Variants in MYCL observed in about 807,000 individuals in gnomAD.
MYCL encodes the protein MYCL proto-oncogene, bHLH transcription factor, also known as protein L-Myc.
A neutral mutation model predicts 31.0 loss-of-function variants in MYCL; 11 were observed. The observed-to-expected ratio is 0.35, with a 90% CI of 0.22 to 0.59. MYCL has a LOEUF of 0.59. Among genes scored for constraint, MYCL ranks in the 20% least tolerant of loss-of-function variants. The pLI is 0.79. For synonymous variants in MYCL, 208 were observed against 202.4 expected, an observed-to-expected ratio of 1.03 and a Z score of -0.23; for missense variants, 427 against 486.1, an observed-to-expected ratio of 0.88 and a Z score of 1.14.
At chr1:39,898,873 G>A (rs1343676366) in intron 1 of MYCL, 23 of 985,364 alleles carry the variant, frequency 2.3e-5, no homozygotes, top group Non-Finnish European at 2.7e-5. Flanking sequence ...ACCTAACCAG[G>A]AGAGGGGCAA....
rs2124715944 is a variant in MYCL at position 39,897,776 on chromosome 1, T to A, written c.691A>T (p.Arg231Trp). 1 of 1,614,138 alleles carries A rather than the reference T, an allele frequency of 6.2e-7. No individual in the cohort carries two copies. The highest frequency in any genetic ancestry group is 2.2e-5 in the East Asian group (1 of 44,882). Residue 231 changes from arginine (R) to tryptophan (W), a missense_variant, in exon 2 of 2, where the codon AGG becomes TGG. Physicochemically the swap from Arg to Trp is moderately radical, Grantham distance 101 (BLOSUM62 -3). Transcript: ENST00000372816. This position sits in a 1 kb window ranked among gnomAD's most constrained non-coding sequence, Gnocchi z 4.3. ...TCCAGAACCTCTTCTTGGGGACCCC[T>A]CTCTGAAGCCTCTTCTTGGGAGCAG... ...ESCSQEEASE[R>W]GPQEEVLERD...
At position 39,901,877 on chromosome 1, in the gene MYCL, A is replaced by T; in HGVS notation, c.-443T>A. ...GGCTCGGGGCAGCCCGGCAGCCAGC[A>T]CACACGCACATGCGCGCCGCCGAGA... is the stretch of plus-strand genomic sequence containing the variant. On this transcript the variant is annotated 5_prime_UTR_variant, in exon 1 of 2. It introduces an in-frame stop codon into an upstream open reading frame of the 5' UTR. Coordinates refer to ENST00000372816, the MANE Select transcript of MYCL (RefSeq NM_001033081.3). The surrounding 1 kb of genome is among the most constrained non-coding windows in gnomAD (Gnocchi z 6.9). The T allele has an allele frequency of 8.4e-7, 1 of 1,186,616 alleles. No individual in the cohort carries two copies. The highest frequency in any genetic ancestry group is 1.0e-6 in the Non-Finnish European group (1 of 956,948). 73.5% of individuals were successfully genotyped at this position (1,186,616 alleles called of 1,614,324 possible). A position where few individuals can be genotyped will look rare whatever the true frequency, so the allele number is the denominator to read the frequency against.
chr1:39,901,776 C>T lies in MYCL; in HGVS notation c.-342G>A. 2 of 1,242,458 alleles carry T rather than the reference C, an allele frequency of 1.6e-6. No individual in the cohort carries two copies. Among genetic ancestry groups the T allele is most frequent in the Non-Finnish European group, 2.0e-6 (2 of 986,434 alleles). The allele number at this position is 1,242,458 out of a possible 1,614,324, so 77.0% of individuals were successfully genotyped here. Reference sequence around the variant, plus strand: ...TGCAGCCAGCCCGCACCGCGGGACCCGCGCCCGTGCCCTGGCCACCCGCAG... The same window carrying T: ...TGCAGCCAGCCCGCACCGCGGGACCTGCGCCCGTGCCCTGGCCACCCGCAG... On this transcript the variant is annotated 5_prime_UTR_variant, in exon 1 of 2. Transcript: ENST00000372816. The surrounding 1 kb of genome is among the most constrained non-coding windows in gnomAD (Gnocchi z 6.9).
At position 39,896,324 on chromosome 1, in the gene MYCL, T is replaced by C; in HGVS notation, c.*1048A>G. ...GCAGAGCCAGCAAGCTCCTTGGAAT[T>C]GCATGAGGAGGACAGATTTGCATGG... On this transcript the variant is annotated 3_prime_UTR_variant, in exon 2 of 2. Transcript: ENST00000372816. 5.1e-6 allele frequency: 1 copy of C among 196,886 alleles called. No homozygotes were observed. Among genetic ancestry groups the C allele is most frequent in the Non-Finnish European group, 1.1e-5 (1 of 94,838 alleles). The allele number at this position is 196,886 out of a possible 1,614,324, so 12.2% of individuals were successfully genotyped here.
Position 39,897,289 on chromosome 1 carries a change from T to C in MYCL, c.*83A>G. 7.8e-7 allele frequency: 1 copy of C among 1,286,898 alleles called. No individual in the cohort carries two copies. Among genetic ancestry groups the C allele is most frequent in the Non-Finnish European group, 1.1e-6 (1 of 930,312 alleles). 79.7% of individuals were successfully genotyped at this position (1,286,898 alleles called of 1,614,324 possible). Reference sequence around the variant, plus strand: ...CCAGACTGTCCCACCATAACCAAAATGTGCAAATTACTAAAGGGGAGAGGG... The same window carrying C: ...CCAGACTGTCCCACCATAACCAAAACGTGCAAATTACTAAAGGGGAGAGGG... On this transcript the variant is annotated 3_prime_UTR_variant, in exon 2 of 2. Coordinates refer to ENST00000372816, the MANE Select transcript of MYCL (RefSeq NM_001033081.3). The surrounding 1 kb of genome is among the most constrained non-coding windows in gnomAD (Gnocchi z 4.3).
chr1:39,897,850 G>A lies in MYCL; in HGVS notation c.617C>T (p.Ser206Phe). 1 of 1,614,218 alleles carries A rather than the reference G, an allele frequency of 6.2e-7. No homozygotes were observed. Among genetic ancestry groups the A allele is most frequent in the Non-Finnish European group, 8.5e-7 (1 of 1,180,048 alleles). The change falls in exon 2 of 2, where the codon TCC (serine) becomes TTC (phenylalanine). Residue 206 changes from serine (S) to phenylalanine (F), a missense_variant. Coordinates refer to ENST00000372816, the MANE Select transcript of MYCL (RefSeq NM_001033081.3). The surrounding 1 kb of genome is among the most constrained non-coding windows in gnomAD (Gnocchi z 4.3). ...LDPCMKHFHI[S>F]IHQQQHNYAA... ...ATAGTTGTGCTGTTGCTGATGGATG[G>A]AGATGTGGAAATGCTTCATGCAGGG...
chr1:39,901,103 T>A lies in MYCL; in HGVS notation c.332A>T (p.Asp111Val), dbSNP rs1466615619. 1 of 1,590,054 alleles carries A rather than the reference T, an allele frequency of 6.3e-7. No homozygotes were observed. The highest frequency in any genetic ancestry group is 1.3e-5 in the African/African-American group (1 of 74,448). The change falls in exon 1 of 2, where the codon GAC becomes GTC. Residue 111 changes from aspartate to valine, a missense_variant. Asp to Val is a radical substitution (Grantham distance 152, BLOSUM62 -3). Transcript: ENST00000372816. The surrounding 1 kb of genome is among the most constrained non-coding windows in gnomAD (Gnocchi z 6.9). ...CCGGGGCGCGCCAGGAGCGAGCCGG[T>A]CGCTCACAGCTCTCTCCAGCCGTTC... ...ARERLERAVS[D>V]RLAPGAPRGN... is the part of the protein sequence containing the mutation.
intron 1 of MYCL, among the ~76,000 whole-genome samples, chr1:39,898,353 C>A (rs1259304432): frequency 6.6e-6 from 1 of 152,234 alleles, no homozygotes. Context: ...CCCAGTCGGG[C>A]TCTTTCATGC....
rs1053166703 is a variant in MYCL at position 39,901,614 on chromosome 1, G to A, written c.-180C>T. The A allele has an allele frequency of 6.4e-6, 9 of 1,404,550 alleles. No individual in the cohort carries two copies. Among genetic ancestry groups the A allele is most frequent in the Non-Finnish European group, 8.3e-6 (9 of 1,087,988 alleles). 87.0% of individuals were successfully genotyped at this position (1,404,550 alleles called of 1,614,324 possible). On this transcript the variant is annotated 5_prime_UTR_variant, in exon 1 of 2. Coordinates refer to ENST00000372816, the MANE Select transcript of MYCL (RefSeq NM_001033081.3). This position sits in a 1 kb window ranked among gnomAD's most constrained non-coding sequence, Gnocchi z 6.9. ...GGAAGCCGGGCCCCGGGTCAGAGTG[G>A]TAGGGGAAGCCAATCGCAGCGCGCG... is the stretch of plus-strand genomic sequence containing the variant.
In MYCL at chr1:39,901,070, G is replaced by T. The variant is rs781020318; in HGVS notation, c.365C>A (p.Pro122Gln). 6.4e-7 allele frequency: 1 copy of T among 1,562,214 alleles called. No homozygotes were observed. The highest frequency in any genetic ancestry group is 8.7e-7 in the Non-Finnish European group (1 of 1,153,884). The change falls in exon 1 of 2, where the codon CCG becomes CAG. Residue 122 changes from proline to glutamine, a missense_variant. Physicochemically the swap from Pro to Gln is moderately conservative, Grantham distance 76 (BLOSUM62 -1). Transcript: ENST00000372816. The surrounding 1 kb of genome is among the most constrained non-coding windows in gnomAD (Gnocchi z 6.9). ...GTCCGGGGCGGCGGACGCCTTGGGC[G>T]GGTTCCCCCGGGGCGCGCCAGGAGC... The part of the protein sequence containing the change: ...RLAPGAPRGN[P>Q]PKASAAPDCT...
rs1283719871 is a variant in MYCL at position 39,896,796 on chromosome 1, G to T, written c.*576C>A. On this transcript the variant is annotated 3_prime_UTR_variant, in exon 2 of 2. Coordinates refer to ENST00000372816, the MANE Select transcript of MYCL (RefSeq NM_001033081.3). Reference sequence around the variant, plus strand: ...TCAGCTAACATCATAATATATAAAGGTTTCCAACTCCTTGGCTACTGTAAA... The same window carrying T: ...TCAGCTAACATCATAATATATAAAGTTTTCCAACTCCTTGGCTACTGTAAA... 1 of 206,032 alleles carries T rather than the reference G, an allele frequency of 4.9e-6. No individual in the cohort carries two copies. Among genetic ancestry groups the T allele is most frequent in the Non-Finnish European group, 9.9e-6 (1 of 100,646 alleles). The allele number at this position is 206,032 out of a possible 1,614,324, so 12.8% of individuals were successfully genotyped here.
chr1:39,899,542 T>A (rs1037109420), intron 1 of MYCL: 11 of 877,378 alleles, frequency 1.3e-5, no homozygotes, highest in Non-Finnish European at 1.5e-5. Context: ...CTTTGTAACG[T>A]TCTGGATCTC....
Position 39,895,779 on chromosome 1 carries a change from G to A in MYCL, c.*1593C>T, listed in dbSNP as rs1238329216. 1 of 226,338 alleles carries A rather than the reference G, an allele frequency of 4.4e-6. No individual in the cohort carries two copies. The highest frequency in any genetic ancestry group is 2.2e-5 in the African/African-American group (1 of 44,918). 14.0% of individuals were successfully genotyped at this position (226,338 alleles called of 1,614,324 possible). On this transcript the variant is annotated 3_prime_UTR_variant, in exon 2 of 2. Transcript: ENST00000372816. Reference sequence around the variant, plus strand: ...GCTGGCTTTTGTAAACCATGCTCCAGAAGGGTAGAGAGGCTATTTCCAAAC... The same window carrying A: ...GCTGGCTTTTGTAAACCATGCTCCAAAAGGGTAGAGAGGCTATTTCCAAAC...
At chr1:39,898,557 G>C in intron 1 of MYCL, 1 of 695,568 alleles carries the variant, frequency 1.4e-6, no homozygotes, top group Non-Finnish European at 1.8e-6. Flanking sequence ...TTCACCCACA[G>C]AGGGGAGGGA....
chr1:39,895,716 AC>A lies in MYCL; in HGVS notation c.*1655del, dbSNP rs1458495683. 1 of 228,148 alleles carries A rather than the reference AC, an allele frequency of 4.4e-6. No homozygotes were observed. The highest frequency in any genetic ancestry group is 2.2e-5 in the African/African-American group (1 of 45,036). The allele number at this position is 228,148 out of a possible 1,614,324, so 14.1% of individuals were successfully genotyped here. On this transcript the variant is annotated 3_prime_UTR_variant, in exon 2 of 2. Coordinates refer to ENST00000372816, the MANE Select transcript of MYCL (RefSeq NM_001033081.3). Reference sequence around the variant, plus strand: ...TATTCAGTTGAGACATCAGTAACCTACACCCAAACTGTCCTCCATAGACAAT... The same window carrying A: ...TATTCAGTTGAGACATCAGTAACCTAACCCAAACTGTCCTCCATAGACAAT...
chr1:39,901,836 G>A lies in MYCL; in HGVS notation c.-402C>T, dbSNP rs764912747. On this transcript the variant is annotated 5_prime_UTR_variant, in exon 1 of 2. Transcript: ENST00000372816. This position sits in a 1 kb window ranked among gnomAD's most constrained non-coding sequence, Gnocchi z 6.9. ...GCTCCAGCCGCCCGCCACCTGGAGC[G>A]GACCGGCTCCCCGCCGGCTCGGGGC... The A allele has an allele frequency of 3.2e-6, 4 of 1,264,928 alleles. No homozygotes were observed. The highest frequency in any genetic ancestry group is 3.0e-6 in the Non-Finnish European group (3 of 994,592). The allele number at this position is 1,264,928 out of a possible 1,614,324, so 78.4% of individuals were successfully genotyped here. A position where few individuals can be genotyped will look rare whatever the true frequency, so the allele number is the denominator to read the frequency against.
chr1:39,901,637 G>T lies in MYCL; in HGVS notation c.-203C>A. On this transcript the variant is annotated 5_prime_UTR_variant, in exon 1 of 2. Transcript: ENST00000372816. This position sits in a 1 kb window ranked among gnomAD's most constrained non-coding sequence, Gnocchi z 6.9. The stretch of plus-strand genomic sequence containing the variant: ...TGGTAGGGGAAGCCAATCGCAGCGC[G>T]CGGACCCGACTGTGGGCAGCGAGTT... The T allele has an allele frequency of 7.2e-7, 1 of 1,383,336 alleles. No individual in the cohort carries two copies. Among genetic ancestry groups the T allele is most frequent in the Non-Finnish European group, 9.3e-7 (1 of 1,076,844 alleles). The allele number at this position is 1,383,336 out of a possible 1,614,324, so 85.7% of individuals were successfully genotyped here. A position where few individuals can be genotyped will look rare whatever the true frequency, so the allele number is the denominator to read the frequency against.
In MYCL at chr1:39,901,005, C is replaced by G. The variant is rs769835989; in HGVS notation, c.430G>C (p.Ala144Pro). The G allele has an allele frequency of 6.7e-7, 1 of 1,487,450 alleles. No homozygotes were observed. Among genetic ancestry groups the G allele is most frequent in the Non-Finnish European group, 8.9e-7 (1 of 1,120,010 alleles). The allele number at this position is 1,487,450 out of a possible 1,614,324, so 92.1% of individuals were successfully genotyped here. ...TTGGGTTCGCCCAGCGGACAGGGGG[C>G]GGCGGGCGCCGGGTTGCCGGCTTCG... ...SLEAGNPAPA[A>P]PCPLGEPKTQ... Residue 144 changes from alanine (A) to proline (P), a missense_variant, in exon 1 of 2, where the codon GCC (alanine) becomes CCC (proline). Ala to Pro is a conservative substitution (Grantham distance 27). Coordinates refer to ENST00000372816, the MANE Select transcript of MYCL (RefSeq NM_001033081.3). The surrounding 1 kb of genome is among the most constrained non-coding windows in gnomAD (Gnocchi z 6.9).
rs1243516851 is a variant in MYCL, at chr1:39,897,588, C to T, written c.879G>A (p.Arg293=). 2 of 1,614,236 alleles carry T rather than the reference C, an allele frequency of 1.2e-6. No homozygotes were observed. The highest frequency in any genetic ancestry group is 2.2e-5 in the East Asian group (1 of 44,886). The change falls in exon 2 of 2, where the codon AGG becomes AGA. Residue 293 remains arginine (R), a synonymous_variant. Coordinates refer to ENST00000372816, the MANE Select transcript of MYCL (RefSeq NM_001033081.3). The surrounding 1 kb of genome is among the most constrained non-coding windows in gnomAD (Gnocchi z 4.3). ...AGAATCGCGAACGCAGGTCATTCCG[C>T]CTCTTGCGCTCCAGGAAGTTGTGAT... ...RKNHNFLERK[R]RNDLRSRFLA...
Sources: gnomAD v4.1 joint callset for allele counts (sites outside exome capture counted in the v4.1 genomes callset) on GRCh38, gnomAD v4.1.1 for gene constraint, Gnocchi (gnomAD v3.1) non-coding constraint, MANE v1.5 for transcripts, NCBI Gene and HGNC (gene_info 2026-07-23, HGNC 2026-07-21) for gene names.